Variants in PPP1R42 observed in about 807,000 individuals in gnomAD.
The protein encoded by PPP1R42 is leucine rich repeat containing 67.
PPP1R42 carries 34 observed loss-of-function variants against 31.0 expected under a neutral mutation model. The ratio of observed to expected loss-of-function variants is 1.10; its 90% CI spans 0.83 to 1.46. The LOEUF (loss-of-function observed/expected upper bound fraction) is 1.46, where lower values mean the gene tolerates loss of function less well. Among genes scored for constraint, PPP1R42 ranks in the 40% most tolerant of loss-of-function variants. The probability of loss-of-function intolerance (pLI) is 0.00; values close to 1 mark genes in which losing one functional copy is unlikely to be tolerated. For synonymous variants in PPP1R42, 103 were observed against 109.8 expected (o/e 0.94, Z 0.39); for missense variants, 268 against 303.0 (o/e 0.88, Z 0.86).
At chr8:66,987,287 C>CTTTTTTTTTT (rs71249412) in intron 6 of PPP1R42, among the ~76,000 whole-genome samples, 1 of 106,006 alleles carries the variant, frequency 9.4e-6, no homozygotes, top group Non-Finnish European at 1.9e-5. Context: ...AGCAAATGAT[C>CTTTTTTTTTT]TTTTTTTTTT....
chr8:66,967,737 T>G (rs566894033), intron 7 of PPP1R42, among the ~76,000 whole-genome samples: 1 of 152,344 alleles, frequency 6.6e-6, no homozygotes, highest in East Asian at 1.9e-4. Context: ...CAGTGATTTG[T>G]ATTCCTTAAA....
chr8:67,020,660 T>C (rs887583064), intron 1 of PPP1R42, among the ~76,000 whole-genome samples: 5 of 152,272 alleles, frequency 3.3e-5, no homozygotes, highest in Non-Finnish European at 7.3e-5. Flanking sequence ...ATACTCATTA[T>C]AGAGTGTTCT....
chr8:66,976,512 CT>C (rs1563414337), intron 7 of PPP1R42, among the ~76,000 whole-genome samples: 2 of 152,068 alleles, frequency 1.3e-5, no homozygotes, highest in African/African-American at 4.8e-5. Flanking sequence ...ATTTTGTAAC[CT>C]TTACCAAATC....
intron 7 of PPP1R42, among the ~76,000 whole-genome samples, chr8:66,976,214 C>G (rs1031698117): frequency 2.0e-5 from 3 of 151,992 alleles, no homozygotes; most frequent in Non-Finnish European, 4.4e-5. Context: ...GTCACTGTCT[C>G]TCATTACTCC....
chr8:67,014,758 A>G (rs1343399150), intron 2 of PPP1R42, among the ~76,000 whole-genome samples, 166 bp from the exon 3 acceptor site: 1 of 152,226 alleles, frequency 6.6e-6, no homozygotes. Flanking sequence ...TAGACTGATT[A>G]CAAAAGAAAT....
intron 5 of PPP1R42, among the ~76,000 whole-genome samples, chr8:67,004,171 T>C (rs1045510901): frequency 6.6e-6 from 1 of 152,078 alleles, no homozygotes; most frequent in Non-Finnish European, 1.5e-5. Flanking sequence ...TAGAACCTTA[T>C]AAAAGGGTGA....
At chr8:66,983,177 T>C (rs1209522083) in intron 6 of PPP1R42, among the ~76,000 whole-genome samples, 1 of 152,158 alleles carries the variant, frequency 6.6e-6, no homozygotes, top group African/African-American at 2.4e-5. Context: ...TGATAACACT[T>C]TTGTATATTT....
intron 7 of PPP1R42, among the ~76,000 whole-genome samples, chr8:66,975,790 C>T (rs1814653266): frequency 6.6e-6 from 1 of 152,034 alleles, no homozygotes; most frequent in South Asian, 2.1e-4. Context: ...AGTGATGTTG[C>T]AATACATATA....
At chr8:67,010,550 G>A in intron 5 of PPP1R42, 165 bp downstream of exon 5, 1 of 595,330 alleles carries the variant, frequency 1.7e-6, no homozygotes, top group Non-Finnish European at 2.9e-6. Flanking sequence ...TAAGAGGACA[G>A]AATTATACAC....
chr8:66,964,370 T>C, intron 7 of PPP1R42, 36 bp from the exon 8 acceptor site: 1 of 1,165,400 alleles, frequency 8.6e-7, no homozygotes, highest in Non-Finnish European at 1.1e-6. Flanking sequence ...AGCATTAAAT[T>C]AAAAAAATGA....
chr8:66,984,643 T>C, intron 6 of PPP1R42: 1 of 1,370,230 alleles, frequency 7.3e-7, no homozygotes, highest in East Asian at 2.3e-5. Context: ...TTAAATTTTC[T>C]TGACCTTTCT....
intron 1 of PPP1R42, chr8:67,021,319 A>C (rs1473814565): frequency 6.6e-6 from 1 of 152,172 alleles, no homozygotes; most frequent in Admixed American, 6.5e-5. Flanking sequence ...ATGTATTCTT[A>C]GACTCTTCAA....
chr8:66,964,597 G>T (rs2130905667), intron 7 of PPP1R42, among the ~76,000 whole-genome samples: 1 of 152,246 alleles, frequency 6.6e-6, no homozygotes, highest in East Asian at 1.9e-4. Flanking sequence ...GGTCTAAGAT[G>T]AGGCAAATTT....
intron 1 of PPP1R42, chr8:67,021,262 GC>G (rs1816208290): frequency 6.6e-6 from 1 of 151,976 alleles, no homozygotes; most frequent in South Asian, 2.1e-4. Context: ...CATTACCCAG[GC>G]TATGTTATTA....
chr8:66,982,544 C>T (rs1814874799), intron 6 of PPP1R42, among the ~76,000 whole-genome samples: 1 of 151,828 alleles, frequency 6.6e-6, no homozygotes, highest in Non-Finnish European at 1.5e-5. Flanking sequence ...CAACCTCTGC[C>T]CCCTGGGGCT....
At chr8:66,977,440 C>T (rs1313211976) in intron 7 of PPP1R42, among the ~76,000 whole-genome samples, 1 of 151,708 alleles carries the variant, frequency 6.6e-6, no homozygotes, top group Non-Finnish European at 1.5e-5. Flanking sequence ...TGGGCTCAAG[C>T]AATCCCCCTG....
At chr8:67,002,442 G>T (rs936054166) in intron 5 of PPP1R42, among the ~76,000 whole-genome samples, 3 of 152,068 alleles carry the variant, frequency 2.0e-5, no homozygotes, top group African/African-American at 4.8e-5. Context: ...CGAGTCATCC[G>T]CCCGCCTTGG....
At chr8:66,984,423 G>T in intron 6 of PPP1R42, 1 of 1,318,080 alleles carries the variant, frequency 7.6e-7, no homozygotes, top group Non-Finnish European at 1.1e-6. Context: ...GGGTCTTGGG[G>T]CCCCCTTCCA....
chr8:66,985,164 C>A, intron 6 of PPP1R42: 3 of 1,139,070 alleles, frequency 2.6e-6, no homozygotes, highest in Non-Finnish European at 4.0e-6. Flanking sequence ...CTTGTGAAAT[C>A]TCTGCCTGAA....
Sources: allele counts gnomAD v4.1 joint callset (sites outside exome capture counted in the v4.1 genomes callset), GRCh38; gene constraint gnomAD v4.1.1; transcripts MANE v1.5; gene names NCBI Gene and HGNC (gene_info 2026-07-23, HGNC 2026-07-21).